LRRC7: variants seen among roughly 807,000 people sequenced by gnomAD.
The protein encoded by LRRC7 is leucine-rich repeat-containing protein 7.
Under a neutral mutation model 175.7 loss-of-function variants are expected in LRRC7, and 23 were observed. The ratio of observed to expected loss-of-function variants is 0.13; its 90% CI spans 0.09 to 0.19. The LOEUF is 0.19. Ranked by LOEUF, LRRC7 falls within the 10% of genes least tolerant of loss-of-function variation. The probability of loss-of-function intolerance (pLI) is 1.00; values close to 1 mark genes in which losing one functional copy is unlikely to be tolerated. For missense variants in LRRC7, 1,354 were observed against 1,904.7 expected (o/e 0.71, Z 5.38); for synonymous variants, 685 against 680.9 (o/e 1.01, Z -0.09).
intron 2 of LRRC7, among the ~76,000 whole-genome samples, chr1:69,711,760 A>G (rs537163029): frequency 6.6e-6 from 1 of 152,162 alleles, no homozygotes; most frequent in Non-Finnish European, 1.5e-5. Context: ...TATAAGCATA[A>G]CTGAACAAGG....
chr1:69,582,889 G>T (rs1269057841), intron 1 of LRRC7, among the ~76,000 whole-genome samples: 6 of 151,980 alleles, frequency 3.9e-5, no homozygotes, highest in Admixed American at 6.6e-5. Flanking sequence ...GCTTTGATTA[G>T]CTTGAAATGT....
chr1:69,846,927 A>T (rs1682437611), intron 7 of LRRC7, among the ~76,000 whole-genome samples: 2 of 152,098 alleles, frequency 1.3e-5, no homozygotes, highest in South Asian at 4.1e-4. Context: ...ATAAATTCTT[A>T]AAAATAATGT....
intron 4 of LRRC7, among the ~76,000 whole-genome samples, chr1:69,824,644 A>G (rs1046553307): frequency 1.3e-5 from 2 of 152,222 alleles, no homozygotes; most frequent in East Asian, 3.9e-4. Flanking sequence ...CTGCTGCTTC[A>G]AGGGCTTTGA....
chr1:69,813,176 G>C (rs905872540), intron 4 of LRRC7, among the ~76,000 whole-genome samples: 1 of 151,984 alleles, frequency 6.6e-6, no homozygotes, highest in African/African-American at 2.4e-5. Context: ...CTCTTTATAT[G>C]GTTCAAATTC....
chr1:69,954,373 C>T (rs542101593), intron 8 of LRRC7, among the ~76,000 whole-genome samples: 8 of 152,070 alleles, frequency 5.3e-5, no homozygotes, highest in Non-Finnish European at 8.8e-5. Flanking sequence ...GCAGAGCTCT[C>T]ATTTTTGTTT....
chr1:69,639,842 A>G (rs1256337129), intron 1 of LRRC7, among the ~76,000 whole-genome samples: 1 of 151,832 alleles, frequency 6.6e-6, no homozygotes, highest in East Asian at 1.9e-4. Context: ...ACTTTCAAGA[A>G]TCATAGTTAC....
chr1:69,927,346 T>G (rs928272558), intron 7 of LRRC7, among the ~76,000 whole-genome samples: 1 of 152,214 alleles, frequency 6.6e-6, no homozygotes, highest in Non-Finnish European at 1.5e-5. Flanking sequence ...TGAATCTGAA[T>G]GTTGGCCTGC....
intron 1 of LRRC7, among the ~76,000 whole-genome samples, chr1:69,619,727 C>T (rs1650255183): frequency 6.6e-6 from 1 of 152,046 alleles, no homozygotes; most frequent in South Asian, 2.1e-4. Flanking sequence ...CTTTTATCGG[C>T]CATCAGAAGC....
chr1:70,039,262 C>G lies in LRRC7; in HGVS notation c.3438C>G (p.Ala1146=). Residue 1146 remains alanine, a synonymous_variant, in exon 21 of 27, where the codon GCC becomes GCG. Coordinates refer to ENST00000651989, the MANE Select transcript of LRRC7 (RefSeq NM_001370785.2). The part of the protein sequence containing the change: ...VVNAQFASQG[A]RAGFLRRADS... Reference sequence around the variant, plus strand: ...ATGCCCAGTTCGCAAGCCAAGGGGCCAGGGCGGGCTTCCTGAGAAGGGCCG... The same window carrying G: ...ATGCCCAGTTCGCAAGCCAAGGGGCGAGGGCGGGCTTCCTGAGAAGGGCCG... 1 of 1,614,044 alleles carries G rather than the reference C, an allele frequency of 6.2e-7. No individual in the cohort carries two copies. The highest frequency in any genetic ancestry group is 8.5e-7 in the Non-Finnish European group (1 of 1,179,982).
chr1:69,799,423 A>T (rs996156524), intron 4 of LRRC7, among the ~76,000 whole-genome samples: 1 of 152,006 alleles, frequency 6.6e-6, no homozygotes, highest in Admixed American at 6.6e-5. Context: ...ATGTGTACAC[A>T]CTGTTTAGCT....
chr1:70,029,407 T>A (rs559803783), intron 18 of LRRC7, among the ~76,000 whole-genome samples: 7 of 152,108 alleles, frequency 4.6e-5, no homozygotes, highest in African/African-American at 1.7e-4. Context: ...AAAGGGAAGA[T>A]CTTGAGCAAA....
At chr1:69,688,296 G>A (rs1026138430) in intron 2 of LRRC7, among the ~76,000 whole-genome samples, 1 of 152,170 alleles carries the variant, frequency 6.6e-6, no homozygotes, top group Non-Finnish European at 1.5e-5. Context: ...TTCACCTCAA[G>A]TCTGTACTGA....
At chr1:69,886,778 G>A (rs912461414) in intron 7 of LRRC7, among the ~76,000 whole-genome samples, 1 of 151,174 alleles carries the variant, frequency 6.6e-6, no homozygotes, top group African/African-American at 2.4e-5. Context: ...TCCATGTTTA[G>A]CGCTTCCTTC....
chr1:70,018,192 G>T (rs115695749), intron 14 of LRRC7, among the ~76,000 whole-genome samples: 1 of 151,916 alleles, frequency 6.6e-6, no homozygotes, highest in Non-Finnish European at 1.5e-5. Context: ...TATGCACAGA[G>T]GTCAATATAT....
chr1:69,962,200 T>C (rs1651168919), intron 8 of LRRC7, among the ~76,000 whole-genome samples: 1 of 152,038 alleles, frequency 6.6e-6, no homozygotes, highest in Non-Finnish European at 1.5e-5. Flanking sequence ...AAAGAAGACA[T>C]ACATGCACCC....
intron 24 of LRRC7, among the ~76,000 whole-genome samples, chr1:70,080,037 A>T (rs1321365159): frequency 6.6e-6 from 1 of 152,170 alleles, no homozygotes; most frequent in Non-Finnish European, 1.5e-5. Context: ...CTGTGTCCTA[A>T]TCTCACTGTA....
intron 4 of LRRC7, among the ~76,000 whole-genome samples, chr1:69,799,680 T>A (rs371425140): frequency 6.6e-6 from 1 of 152,126 alleles, no homozygotes; most frequent in African/African-American, 2.4e-5. Flanking sequence ...TTCTGCAGAC[T>A]TTCTGTTCAC....
chr1:69,614,426 A>T lies in LRRC7; in HGVS notation c.2+45785A>T, dbSNP rs562465830. On this transcript the variant is annotated intron_variant, in intron 1 of 26. Transcript: ENST00000651989. ...GAGTACACCCCTGGAGTACATGATA[A>T]CTGTGTATCGCTATTTTCTTTGCCA... Among the ~76,000 whole-genome samples the T allele has an allele frequency of 4.6e-5, 7 of 152,184 alleles. No individual in the cohort carries two copies. In the South Asian group the frequency reaches 1.0e-3, roughly 23 times the overall value.
intron 1 of LRRC7, among the ~76,000 whole-genome samples, chr1:69,608,812 GTCTCTCTCTCTCTCTCTCTCTCTCTCTC>G (rs558298354): frequency 3.4e-4 from 31 of 91,638 alleles, no homozygotes; most frequent in African/African-American, 6.6e-4. Context: ...TGCTCTGTCT[GTCTCTCTCTCTCTCTCTCTCTCTCTCTC>G]TCTCTCTCTC....
Sources: allele counts gnomAD v4.1 joint callset (sites outside exome capture counted in the v4.1 genomes callset), GRCh38; gene constraint gnomAD v4.1.1; transcripts MANE v1.5; gene names NCBI Gene and HGNC (gene_info 2026-07-23, HGNC 2026-07-21).